Variants in PLBD1 observed in about 807,000 individuals in gnomAD.
PLBD1 encodes the protein phospholipase B domain containing 1.
In PLBD1, 60 loss-of-function variants were observed where a neutral mutation model predicts 63.0. The observed-to-expected ratio is 0.95, with a 90% CI of 0.77 to 1.18. The LOEUF is 1.18. Ranked by LOEUF, PLBD1 falls within the 50% of genes most tolerant of loss-of-function variation. The pLI is 0.00. For missense variants in PLBD1, 598 were observed against 677.9 expected (o/e 0.88, Z 1.31); for synonymous variants, 262 against 248.0 (o/e 1.06, Z -0.53).
intron 1 of PLBD1, among the ~76,000 whole-genome samples, chr12:14,565,389 C>A (rs1321546000): frequency 6.6e-6 from 1 of 151,256 alleles, no homozygotes; most frequent in Admixed American, 6.6e-5. Context: ...TTGCTTGAAC[C>A]AAAGAGGTGG....
At chr12:14,506,847 C>A in intron 9 of PLBD1, 86 bp downstream of exon 9, 1 of 1,203,582 alleles carries the variant, frequency 8.3e-7, no homozygotes, top group African/African-American at 1.5e-5. Context: ...CCTTCTAGTA[C>A]AGAGATGATA....
At chr12:14,540,404 G>C (rs567439326) in intron 4 of PLBD1, among the ~76,000 whole-genome samples, 1 of 151,714 alleles carries the variant, frequency 6.6e-6, no homozygotes, top group Admixed American at 6.6e-5. Flanking sequence ...GTGGAGTGTG[G>C]GAAACATAGA....
chr12:14,552,849 A>G (rs1344611961), intron 2 of PLBD1, among the ~76,000 whole-genome samples: 1 of 152,206 alleles, frequency 6.6e-6, no homozygotes, highest in Non-Finnish European at 1.5e-5. Flanking sequence ...CCTTTTAGGC[A>G]GGTACTGATT....
At position 14,553,274 on chromosome 12, in the gene PLBD1, C is replaced by G. The variant is rs867402470; in HGVS notation, c.254G>C (p.Arg85Thr). 3 of 1,614,070 alleles carry G rather than the reference C, an allele frequency of 1.9e-6. No individual in the cohort carries two copies. Residue 85 changes from arginine (R) to threonine (T), a missense_variant, in exon 2 of 11, where the codon AGA becomes ACA. Coordinates refer to ENST00000240617, the MANE Select transcript of PLBD1 (RefSeq NM_024829.6). ...CAGGGTTTGAGAGCCATAGCCAGCT[C>G]TGATCTCCAGGATGCCCCAGCCTGT... ...KTTGWGILEIRAGYGSQTLSN... is the reference protein window; with the variant it reads ...KTTGWGILEITAGYGSQTLSN...
chr12:14,520,294 G>A (rs371618396), intron 6 of PLBD1, among the ~76,000 whole-genome samples: 97 of 152,208 alleles, frequency 6.4e-4, no homozygotes, highest in South Asian at 1.0e-3. Flanking sequence ...TCTATAATAT[G>A]AATTTGAGCT....
chr12:14,523,777 G>A (rs1945395810), intron 6 of PLBD1, among the ~76,000 whole-genome samples: 1 of 152,152 alleles, frequency 6.6e-6, no homozygotes, highest in Admixed American at 6.5e-5. Context: ...TCTACATGGA[G>A]AGGAATGAAA....
rs561427880 is a variant in PLBD1 at position 14,542,282 on chromosome 12, A to G, written c.345T>C (p.Asn115=). ...GTGGGTAGAGGTTTGTGTAGTGGTC[A>G]TTCATGTGTCTGAAATGATACATGA... The part of the protein sequence containing the change: ...LEGYLTAPHM[N]DHYTNLYPQL... Residue 115 remains asparagine (N), a synonymous_variant, in exon 3 of 11, where the codon AAT becomes AAC. Transcript: ENST00000240617. 6.2e-7 allele frequency: 1 copy of G among 1,604,078 alleles called. No individual in the cohort carries two copies. Among genetic ancestry groups the G allele is most frequent in the East Asian group, 2.2e-5 (1 of 44,828 alleles).
intron 6 of PLBD1, among the ~76,000 whole-genome samples, chr12:14,525,428 G>A (rs1263059654): frequency 1.3e-5 from 2 of 151,978 alleles, no homozygotes; most frequent in African/African-American, 4.8e-5. Context: ...AGCATCTGAT[G>A]GATAAATGAC....
rs891351848 is a variant in PLBD1, at chr12:14,503,939, G to A, written c.1495C>T (p.Leu499=). The A allele has an allele frequency of 7.5e-6, 12 of 1,599,294 alleles. No individual in the cohort carries two copies. Among genetic ancestry groups the A allele is most frequent in the Non-Finnish European group, 1.0e-5 (12 of 1,172,068 alleles). The change falls in exon 11 of 11, where the codon CTA becomes TTA. Residue 499 remains leucine (L), a synonymous_variant. Coordinates refer to ENST00000240617, the MANE Select transcript of PLBD1 (RefSeq NM_024829.6). ...CYDTKVADIY[L]ASQYTSYAIS... Reference sequence around the variant, plus strand: ...GCATAGGATGTGTACTGAGATGCTAGGTAGATATCTGCCACCTGGAAAGAG... The same window carrying A: ...GCATAGGATGTGTACTGAGATGCTAAGTAGATATCTGCCACCTGGAAAGAG...
intron 1 of PLBD1, among the ~76,000 whole-genome samples, chr12:14,565,720 C>T (rs1465608164): frequency 6.6e-6 from 1 of 151,992 alleles, no homozygotes; most frequent in East Asian, 1.9e-4. Context: ...GACAAAGACC[C>T]AAAAAGCCTC....
At chr12:14,521,867 A>T (rs1055444238) in intron 6 of PLBD1, among the ~76,000 whole-genome samples, 8 of 152,212 alleles carry the variant, frequency 5.3e-5, no homozygotes, top group Non-Finnish European at 1.2e-4. Flanking sequence ...AAAATCAATG[A>T]GATTCAAGAT....
intron 8 of PLBD1, 68 bp downstream of exon 8, chr12:14,511,192 A>C: frequency 1.1e-5 from 14 of 1,307,894 alleles, no homozygotes; most frequent in African/African-American, 3.0e-5. Flanking sequence ...CACAATGTGC[A>C]TTCCCCTACC....
At chr12:14,526,797 A>G (rs1187879632) in intron 6 of PLBD1, among the ~76,000 whole-genome samples, 1 of 151,708 alleles carries the variant, frequency 6.6e-6, no homozygotes, top group Non-Finnish European at 1.5e-5. Flanking sequence ...ACATGAAGAA[A>G]CCCCATCTCT....
At chr12:14,559,894 C>G (rs1372088772) in intron 1 of PLBD1, among the ~76,000 whole-genome samples, 1 of 148,306 alleles carries the variant, frequency 6.7e-6, no homozygotes, top group East Asian at 2.0e-4. Context: ...AGTTTTCGCT[C>G]TTATTGCCCA....
intron 6 of PLBD1, among the ~76,000 whole-genome samples, chr12:14,517,000 T>C (rs1945342178): frequency 6.6e-6 from 1 of 152,070 alleles, no homozygotes; most frequent in South Asian, 2.1e-4. Context: ...GATCACGCCA[T>C]TCCACTCCAG....
intron 2 of PLBD1, among the ~76,000 whole-genome samples, chr12:14,542,726 A>G (rs1289415763): frequency 6.6e-6 from 1 of 152,142 alleles, no homozygotes; most frequent in Admixed American, 6.5e-5. Flanking sequence ...GTATAGAATT[A>G]TTTATCATGT....
chr12:14,504,175 A>G (rs1382505175), intron 10 of PLBD1, among the ~76,000 whole-genome samples: 1 of 152,056 alleles, frequency 6.6e-6, no homozygotes, highest in Non-Finnish European at 1.5e-5. Context: ...TCAGCCTCCC[A>G]AGTAGCTAGG....
chr12:14,567,646 C>A lies in PLBD1; in HGVS notation c.51G>T (p.Pro17=). 1 of 1,495,822 alleles carries A rather than the reference C, an allele frequency of 6.7e-7. No homozygotes were observed. Among genetic ancestry groups the A allele is most frequent in the Non-Finnish European group, 8.8e-7 (1 of 1,130,572 alleles). The allele number at this position is 1,495,822 out of a possible 1,614,324, so 92.7% of individuals were successfully genotyped here. A position where few individuals can be genotyped will look rare whatever the true frequency, so the allele number is the denominator to read the frequency against. The change falls in exon 1 of 11, where the codon CCG becomes CCT. Residue 17 remains proline (P), a synonymous_variant. Transcript: ENST00000240617. ...GCAGCAGCAGCAGCAGCAGCAGAAG[C>A]GGTGGCGGCTGTGGCAGCCCCGGGC... ...GGRPGLPQPP[P]LLLLLLLLPL...
intron 6 of PLBD1, among the ~76,000 whole-genome samples, chr12:14,520,115 T>C (rs1945364420): frequency 6.6e-6 from 1 of 152,098 alleles, no homozygotes; most frequent in Non-Finnish European, 1.5e-5. Context: ...AAGACAGAAA[T>C]GTTCTAGAAC....
Sources: gnomAD v4.1 joint callset for allele counts (sites outside exome capture counted in the v4.1 genomes callset) on GRCh38, gnomAD v4.1.1 for gene constraint, MANE v1.5 for transcripts, NCBI Gene and HGNC (gene_info 2026-07-23, HGNC 2026-07-21) for gene names.